The following TTC34 variants were observed in gnomAD, a reference collection of about 807,000 sequenced individuals.
The protein encoded by TTC34 is tetratricopeptide repeat domain 34, also known as tetratricopeptide repeat protein 34.
TTC34 carries 44 observed loss-of-function variants against 40.7 expected under a neutral mutation model. That is an observed-to-expected ratio of 1.08 (90% CI 0.85 to 1.39). The LOEUF is 1.39. Among genes scored for constraint, TTC34 ranks in the 40% most tolerant of loss-of-function variants. The probability of loss-of-function intolerance (pLI) is 0.00; values close to 1 mark genes in which losing one functional copy is unlikely to be tolerated. For synonymous variants in TTC34, 422 were observed against 398.6 expected (o/e 1.06, Z -0.70); for missense variants, 884 against 838.0 (o/e 1.05, Z -0.68).
intron 6 of TTC34, among the ~76,000 whole-genome samples, chr1:2,646,049 C>T (rs939780173): frequency 6.6e-6 from 1 of 152,150 alleles, no homozygotes; most frequent in African/African-American, 2.4e-5. Context: ...GGGTAGAAAG[C>T]CCAGTTACTG....
chr1:2,641,174 T>G (rs1570742373), exon 9 of TTC34: 1 of 311,472 alleles, frequency 3.2e-6, no homozygotes, highest in Non-Finnish European at 5.1e-6. Flanking sequence ...GAAGGGGGGC[T>G]GTGGGGAGGG....
intron 2 of TTC34, among the ~76,000 whole-genome samples, chr1:2,794,238 C>T (rs969664688): frequency 2.0e-5 from 3 of 152,170 alleles, no homozygotes; most frequent in Admixed American, 6.5e-5. Flanking sequence ...GACTTCTGAG[C>T]TCAAGGGTTC....
intron 6 of TTC34, among the ~76,000 whole-genome samples, chr1:2,688,061 C>G (rs1640448560): frequency 1.3e-5 from 2 of 152,126 alleles, no homozygotes; most frequent in South Asian, 2.1e-4. Flanking sequence ...AGGTAAGCAT[C>G]TGACAGCCTG....
chr1:2,656,430 C>G (rs1639350308), intron 6 of TTC34, among the ~76,000 whole-genome samples: 3 of 63,106 alleles, frequency 4.8e-5, no homozygotes, highest in East Asian at 4.8e-4. Flanking sequence ...AGGTGAGCAT[C>G]TGACAGCCTG....
intron 6 of TTC34, among the ~76,000 whole-genome samples, chr1:2,749,665 C>A (rs1397067432): frequency 4.8e-5 from 5 of 104,678 alleles, no homozygotes; most frequent in African/African-American, 2.0e-4. Context: ...CATCCGACAG[C>A]CTGGAGCAGC....
rs1269895178 is a variant in TTC34 at position 2,798,256 on chromosome 1, C to A, written c.784+1788G>T. The stretch of plus-strand genomic sequence containing the variant: ...CTCCCAGCCTCTCAGCCCCTCAGCT[C>A]CCCGGCCCCCCAGCCTCCCAGCCTC... On this transcript the variant is annotated intron_variant, in intron 2 of 8. Transcript: ENST00000401095. Among the ~76,000 whole-genome samples, 4 of 91,344 alleles carry A rather than the reference C, an allele frequency of 4.4e-5. 1 individual carries two copies. In the East Asian group the frequency reaches 1.7e-3, roughly 39 times the overall value. 59.9% of individuals were successfully genotyped at this position (91,344 alleles called of 152,430 possible). A position where few individuals can be genotyped will look rare whatever the true frequency, so the allele number is the denominator to read the frequency against.
intron 6 of TTC34, among the ~76,000 whole-genome samples, chr1:2,777,845 C>A (rs935889284): frequency 1.3e-5 from 2 of 152,184 alleles, no homozygotes; most frequent in Non-Finnish European, 2.9e-5. Flanking sequence ...CTGGACACAG[C>A]GGGAGGAGGG....
intron 6 of TTC34, among the ~76,000 whole-genome samples, chr1:2,652,063 A>AG (rs1639154541): frequency 9.4e-6 from 1 of 106,228 alleles, no homozygotes; most frequent in African/African-American, 3.5e-5. Context: ...AGCATCTGAC[A>AG]GCCTGGAGGA....
intron 6 of TTC34, among the ~76,000 whole-genome samples, chr1:2,688,014 C>T (rs1351690049): frequency 1.6e-4 from 8 of 51,086 alleles, no homozygotes; most frequent in African/African-American, 7.0e-4. Flanking sequence ...CACCCCCAGG[C>T]GAGCATCTGA....
At chr1:2,694,835 C>T (rs112836902) in intron 6 of TTC34, among the ~76,000 whole-genome samples, 1 of 92,998 alleles carries the variant, frequency 1.1e-5, no homozygotes, top group African/African-American at 3.6e-5. Context: ...CCCACACCCC[C>T]AGGTGAGCAT....
intron 6 of TTC34, among the ~76,000 whole-genome samples, chr1:2,752,855 A>C (rs1475685974): frequency 2.6e-3 from 246 of 95,820 alleles, no homozygotes; most frequent in Middle Eastern, 0.018. Flanking sequence ...GCACCCACAC[A>C]CCCAGGCGAG....
intron 2 of TTC34, among the ~76,000 whole-genome samples, chr1:2,790,848 TG>T: frequency 6.6e-6 from 1 of 152,306 alleles, no homozygotes; most frequent in Non-Finnish European, 1.5e-5. Context: ...TTGGGCCAAG[TG>T]GGGACCCAGC....
At position 2,752,741 on chromosome 1, in the gene TTC34, A is replaced by T. The variant is rs1249057305; in HGVS notation, c.2226+30868T>A. On this transcript the variant is annotated intron_variant, in intron 6 of 8. Transcript: ENST00000401095. ...TGGAACAGCACCCTGCACCCCCAGGACAGCATCTGACAGCGTGGAACAGCA... is the reference window on the plus strand; with the variant it reads ...TGGAACAGCACCCTGCACCCCCAGGTCAGCATCTGACAGCGTGGAACAGCA... Among the ~76,000 whole-genome samples the T allele has an allele frequency of 1.6e-4, 11 of 69,002 alleles. No homozygotes were observed. The East Asian group carries it at 2.2e-3, about 14-fold the overall frequency. 45.3% of individuals were successfully genotyped at this position (69,002 alleles called of 152,430 possible).
chr1:2,686,049 G>C, intron 6 of TTC34, among the ~76,000 whole-genome samples: 1 of 115,252 alleles, frequency 8.7e-6, no homozygotes, highest in African/African-American at 3.9e-5. Context: ...ACCCCCAAGT[G>C]AGCATCCGAC....
intron 6 of TTC34, among the ~76,000 whole-genome samples, chr1:2,750,158 A>ACC (rs1641268019): frequency 1.3e-5 from 1 of 79,378 alleles, no homozygotes; most frequent in Admixed American, 1.3e-4. Flanking sequence ...GGAGCAGAAC[A>ACC]AACACCCCCA....
intron 6 of TTC34, among the ~76,000 whole-genome samples, chr1:2,783,109 C>T (rs1410114102): frequency 6.6e-6 from 1 of 152,208 alleles, no homozygotes; most frequent in East Asian, 1.9e-4. Flanking sequence ...AGATACCGAA[C>T]TTAAAGAGCA....
At chr1:2,764,203 T>C (rs1265491254) in intron 6 of TTC34, among the ~76,000 whole-genome samples, 87 of 125,298 alleles carry the variant, frequency 6.9e-4, no homozygotes, top group Middle Eastern at 0.011. Flanking sequence ...CATCTGACAG[T>C]CTGGAACAGC....
intron 6 of TTC34, among the ~76,000 whole-genome samples, chr1:2,684,114 A>T (rs1415576320): frequency 3.3e-4 from 50 of 151,918 alleles, no homozygotes; most frequent in Middle Eastern, 3.4e-3. Context: ...CAGCACCCAC[A>T]CCCTCAGGTG....
chr1:2,749,454 G>C (rs1350636703), intron 6 of TTC34, among the ~76,000 whole-genome samples: 287 of 86,528 alleles, frequency 3.3e-3, no homozygotes, highest in East Asian at 6.9e-3. Context: ...CCCCAGGTGA[G>C]CATCTGACGG....
Sources: gnomAD v4.1 joint callset for allele counts (sites outside exome capture counted in the v4.1 genomes callset) on GRCh38, gnomAD v4.1.1 for gene constraint, MANE v1.5 for transcripts, NCBI Gene and HGNC (gene_info 2026-07-23, HGNC 2026-07-21) for gene names.